SCN4B: variants seen among roughly 807,000 people sequenced by gnomAD.
The protein encoded by SCN4B is sodium channel regulatory subunit beta-4.
A neutral mutation model predicts 19.6 loss-of-function variants in SCN4B; 20 were observed. The ratio of observed to expected loss-of-function variants is 1.02; its 90% CI spans 0.72 to 1.48. The LOEUF is 1.48. Among genes scored for constraint, SCN4B ranks in the 40% most tolerant of loss-of-function variants. The pLI, the probability that SCN4B is intolerant of heterozygous loss-of-function variation, is 0.00. For missense variants in SCN4B, 271 were observed against 287.5 expected (o/e 0.94, Z 0.42); for synonymous variants, 127 against 122.8 (o/e 1.03, Z -0.22).
rs548823722 is a variant in SCN4B, at chr11:118,136,651, C to T, written c.*376G>A. 39 of 460,886 alleles carry T rather than the reference C, an allele frequency of 8.5e-5. No homozygotes were observed. The highest frequency in any genetic ancestry group is 2.2e-4 in the South Asian group (14 of 64,536). 28.5% of individuals were successfully genotyped at this position (460,886 alleles called of 1,614,324 possible). On this transcript the variant is annotated 3_prime_UTR_variant, in exon 5 of 5. Transcript: ENST00000324727. ...GGTGCAGCTCTTAGGACATCCCTTA[C>T]GGATCCTCCCAGTCTCTTGTGAAGA...
chr11:118,144,168 G>A, intron 2 of SCN4B, 107 bp from the exon 3 acceptor site: 6 of 770,266 alleles, frequency 7.8e-6, no homozygotes, highest in Non-Finnish European at 1.4e-5. Flanking sequence ...CCCCTGTCCA[G>A]GACCAGGAAG....
intron 1 of SCN4B, 47 bp from the exon 2 acceptor site, chr11:118,145,276 A>G (rs1357841095): frequency 6.2e-7 from 1 of 1,612,204 alleles, no homozygotes; most frequent in Non-Finnish European, 8.5e-7. Context: ...ACCAGCCTGG[A>G]GCTCTGGAAG....
chr11:118,147,099 G>T (rs1243415638), intron 1 of SCN4B, among the ~76,000 whole-genome samples: 1 of 152,180 alleles, frequency 6.6e-6, no homozygotes, highest in African/African-American at 2.4e-5. Context: ...TTTACATTTC[G>T]AGAAAGTTCC....
intron 4 of SCN4B, among the ~76,000 whole-genome samples, chr11:118,138,845 G>A (rs1348213531): frequency 6.6e-6 from 1 of 152,126 alleles, no homozygotes; most frequent in Admixed American, 6.5e-5. Flanking sequence ...TCCAGACAGA[G>A]GAAACAGCAC....
At chr11:118,144,709 T>C (rs886969671) in intron 2 of SCN4B, among the ~76,000 whole-genome samples, 3 of 152,152 alleles carry the variant, frequency 2.0e-5, no homozygotes, top group African/African-American at 7.2e-5. Flanking sequence ...ATTCAGACTC[T>C]TCTCATTCCT....
Position 118,143,901 on chromosome 11 carries a change from T to A in SCN4B, c.395A>T (p.His132Leu). 6.2e-7 allele frequency: 1 copy of A among 1,613,922 alleles called. No individual in the cohort carries two copies. The highest frequency in any genetic ancestry group is 8.5e-7 in the Non-Finnish European group (1 of 1,180,028). Residue 132 changes from histidine to leucine, a missense_variant, in exon 3 of 5, where the codon CAT (histidine) becomes CTT (leucine). Transcript: ENST00000324727. ...EFSDTGKYTC[H>L]VKNPKENNLQ... ...ATTATTCTCCTTGGGGTTCTTCACA[T>A]GGCAGGTGTATTTGCCCGTGTCGCT...
rs145392070 is a variant in SCN4B, at chr11:118,133,748, C to T, written c.*3279G>A. 3.1e-3 allele frequency: 1,429 copies of T among 454,530 alleles called. 14 individuals are homozygous for T. The highest frequency in any genetic ancestry group is 9.4e-3 in the South Asian group (607 of 64,480). 28.2% of individuals were successfully genotyped at this position (454,530 alleles called of 1,614,324 possible). ...TTATAGGATTTTCCCGAGAAGTCCCCGCTCCTGGAACTCCCTACTGCCAGC... is the reference window on the plus strand; with the variant it reads ...TTATAGGATTTTCCCGAGAAGTCCCTGCTCCTGGAACTCCCTACTGCCAGC... On this transcript the variant is annotated 3_prime_UTR_variant, in exon 5 of 5. Transcript: ENST00000324727.
chr11:118,138,272 T>C (rs1948049618), intron 4 of SCN4B, among the ~76,000 whole-genome samples: 2 of 152,190 alleles, frequency 1.3e-5, no homozygotes. Flanking sequence ...GGACTGAATA[T>C]TTTGTCCTCA....
At chr11:118,141,035 G>A (rs1265976839) in intron 4 of SCN4B, among the ~76,000 whole-genome samples, 172 bp downstream of exon 4, 1 of 151,838 alleles carries the variant, frequency 6.6e-6, no homozygotes, top group Non-Finnish European at 1.5e-5. Flanking sequence ...AAGAGGGAAA[G>A]CGATGAGGAA....
chr11:118,148,703 G>T lies in SCN4B; in HGVS notation c.62-3474C>A, dbSNP rs1948207116. Reference sequence around the variant, plus strand: ...GTGTCCCTCATCACAGGTAACCAGGGCACCCCTAGCTTCCCTGAATAACCA... The same window carrying T: ...GTGTCCCTCATCACAGGTAACCAGGTCACCCCTAGCTTCCCTGAATAACCA... On this transcript the variant is annotated intron_variant, in intron 1 of 4. Transcript: ENST00000324727. The surrounding 1 kb of genome is among the most constrained non-coding windows in gnomAD (Gnocchi z 4.0). Among the ~76,000 whole-genome samples, 1 of 152,146 alleles carries T rather than the reference G, an allele frequency of 6.6e-6. No homozygotes were observed. The highest frequency in any genetic ancestry group is 2.4e-5 in the African/African-American group (1 of 41,414).
intron 2 of SCN4B, 132 bp downstream of exon 2, chr11:118,144,925 G>T: frequency 1.1e-6 from 1 of 870,370 alleles, no homozygotes; most frequent in Admixed American, 1.7e-5. Flanking sequence ...AAAGAATACT[G>T]GGAGAAAGGG....
chr11:118,143,749 T>G, intron 3 of SCN4B, 84 bp downstream of exon 3: 1 of 921,286 alleles, frequency 1.1e-6, no homozygotes, highest in Non-Finnish European at 1.8e-6. Flanking sequence ...ACACGGTCCA[T>G]TTTGCCATTT....
At position 118,136,038 on chromosome 11, in the gene SCN4B, G is replaced by GT. The variant is rs5795119; in HGVS notation, c.*988_*989insA. 0.018 allele frequency: 1,048 copies of GT among 59,178 alleles called. 4 individuals are homozygous for GT. The highest frequency in any genetic ancestry group is 0.16 in the Middle Eastern group (21 of 128). The allele number at this position is 59,178 out of a possible 1,614,324, so 3.7% of individuals were successfully genotyped here. A position where few individuals can be genotyped will look rare whatever the true frequency, so the allele number is the denominator to read the frequency against. On this transcript the variant is annotated 3_prime_UTR_variant, in exon 5 of 5. Transcript: ENST00000324727. ...GGCAGGGCGTGATGGAGGGCACGGTGGGGGGGGGGGAGCGAGCCAATGGGA... is the reference window on the plus strand; with the variant it reads ...GGCAGGGCGTGATGGAGGGCACGGTGTGGGGGGGGGGAGCGAGCCAATGGGA...
intron 1 of SCN4B, among the ~76,000 whole-genome samples, chr11:118,150,768 G>T (rs1416367979): frequency 6.6e-6 from 1 of 152,112 alleles, no homozygotes; most frequent in African/African-American, 2.4e-5. Context: ...TCCCCCACTG[G>T]ACTGAGAAGC....
intron 4 of SCN4B, among the ~76,000 whole-genome samples, chr11:118,137,985 G>A (rs905866557): frequency 3.9e-5 from 6 of 152,162 alleles, no homozygotes; most frequent in African/African-American, 1.2e-4. Flanking sequence ...TTGGTGGGAC[G>A]GAGCAGAAGA....
chr11:118,142,491 T>C (rs1483718556), intron 3 of SCN4B, among the ~76,000 whole-genome samples: 2 of 152,226 alleles, frequency 1.3e-5, no homozygotes, highest in Non-Finnish European at 2.9e-5. Context: ...TATTTTTTCT[T>C]CTTAACACTA....
rs191400980 is a variant in SCN4B at position 118,134,463 on chromosome 11, T to C, written c.*2564A>G. On this transcript the variant is annotated 3_prime_UTR_variant, in exon 5 of 5. Transcript: ENST00000324727. Reference sequence around the variant, plus strand: ...TGCCAGTGTTTCTCCATGGGTATAATGTTGACATGGGACAGGATGATTCTT... The same window carrying C: ...TGCCAGTGTTTCTCCATGGGTATAACGTTGACATGGGACAGGATGATTCTT... The C allele has an allele frequency of 1.8e-5, 8 of 454,090 alleles. No homozygotes were observed. The East Asian group carries it at 5.6e-4, about 32-fold the overall frequency. The allele number at this position is 454,090 out of a possible 1,614,324, so 28.1% of individuals were successfully genotyped here. A position where few individuals can be genotyped will look rare whatever the true frequency, so the allele number is the denominator to read the frequency against.
chr11:118,152,470 C>T, intron 1 of SCN4B, 143 bp downstream of exon 1: 1 of 695,574 alleles, frequency 1.4e-6, no homozygotes, highest in South Asian at 1.7e-5. Context: ...CAGGCAGGAA[C>T]CAGGCAGGAA....
intron 4 of SCN4B, among the ~76,000 whole-genome samples, chr11:118,138,108 G>A (rs568415799): frequency 4.6e-5 from 7 of 152,022 alleles, no homozygotes; most frequent in East Asian, 1.9e-4. Flanking sequence ...CCACAGCAGC[G>A]CCCAGGCTGG....
Sources: gnomAD v4.1 joint callset for allele counts (sites outside exome capture counted in the v4.1 genomes callset) on GRCh38, gnomAD v4.1.1 for gene constraint, Gnocchi (gnomAD v3.1) non-coding constraint, MANE v1.5 for transcripts, NCBI Gene and HGNC (gene_info 2026-07-23, HGNC 2026-07-21) for gene names.